Variants in TTC28 observed in about 807,000 individuals in gnomAD.
TTC28 encodes the protein tetratricopeptide repeat protein 28.
A neutral mutation model predicts 198.0 loss-of-function variants in TTC28; 61 were observed. The observed-to-expected ratio is 0.31, with a 90% CI of 0.25 to 0.38. The LOEUF (loss-of-function observed/expected upper bound fraction) is 0.38. Among genes scored for constraint, TTC28 ranks in the 10% least tolerant of loss-of-function variants. The pLI is 1.00. For missense variants in TTC28, 2,678 were observed against 3,164.0 expected (o/e 0.85, Z 3.69); for synonymous variants, 1,171 against 1,297.8 (o/e 0.90, Z 2.10).
intron 2 of TTC28, among the ~76,000 whole-genome samples, chr22:28,579,431 T>C (rs1323036283): frequency 1.3e-5 from 2 of 148,882 alleles, no homozygotes; most frequent in Non-Finnish European, 3.0e-5. Context: ...TAGCTATATA[T>C]AGTGTATATA....
At chr22:28,639,352 G>GT (rs1459611455) in intron 1 of TTC28, among the ~76,000 whole-genome samples, 1 of 152,194 alleles carries the variant, frequency 6.6e-6, no homozygotes, top group African/African-American at 2.4e-5. Flanking sequence ...ATTTATGAGT[G>GT]TAACTTTTTC....
In TTC28 at chr22:28,001,494, C is replaced by A. The variant is rs750049212; in HGVS notation, c.4278G>T (p.Glu1426Asp). Residue 1426 changes from glutamate (E) to aspartate (D), a missense_variant, in exon 15 of 23, where the codon GAG becomes GAT. Glu to Asp is a conservative substitution (Grantham distance 45). Coordinates refer to ENST00000397906, the MANE Select transcript of TTC28 (RefSeq NM_001145418.2). ...CGAAAGGAATGAGGTAGAGCTCCCCCTCCAGAACCAGGATGAGCTGCCGGT... is the reference window on the plus strand; with the variant it reads ...CGAAAGGAATGAGGTAGAGCTCCCCATCCAGAACCAGGATGAGCTGCCGGT... ...GRHRQLILVLEGELYLIPFAL... is the reference protein window; with the variant it reads ...GRHRQLILVLDGELYLIPFAL... 6 of 1,551,544 alleles carry A rather than the reference C, an allele frequency of 3.9e-6. No individual in the cohort carries two copies. Among genetic ancestry groups the A allele is most frequent in the Admixed American group, 3.9e-5 (2 of 51,014 alleles).
At position 28,556,105 on chromosome 22, in the gene TTC28, T is replaced by C. The variant is rs538699988; in HGVS notation, c.381+73447A>G. On this transcript the variant is annotated intron_variant, in intron 2 of 22. Coordinates refer to ENST00000397906, the MANE Select transcript of TTC28 (RefSeq NM_001145418.2). ...TGGGCACAGTGGCTCATGCCTGTAA[T>C]CCCAGCACTTTGGGAGGCCAAGGAG... Among the ~76,000 whole-genome samples, 3 of 151,958 alleles carry C rather than the reference T, an allele frequency of 2.0e-5. No individual in the cohort carries two copies. The South Asian group carries it at 6.2e-4, about 32-fold the overall frequency.
At chr22:28,207,604 G>A (rs967030591) in intron 5 of TTC28, among the ~76,000 whole-genome samples, 45 of 152,200 alleles carry the variant, frequency 3.0e-4, no homozygotes, top group African/African-American at 9.9e-4. Context: ...CATAGTAAGC[G>A]TACAGAAGAA....
At chr22:28,593,685 C>T (rs1250848749) in intron 2 of TTC28, among the ~76,000 whole-genome samples, 1 of 152,146 alleles carries the variant, frequency 6.6e-6, no homozygotes, top group African/African-American at 2.4e-5. Flanking sequence ...TTTTACTGTA[C>T]ACTCTTTTTG....
chr22:28,678,727 C>A (rs959472176), intron 1 of TTC28, among the ~76,000 whole-genome samples: 1 of 152,174 alleles, frequency 6.6e-6, no homozygotes, highest in Non-Finnish European at 1.5e-5. Flanking sequence ...AGACTTTCTA[C>A]AGATATTTTC....
chr22:28,175,722 A>C (rs1372559070), intron 5 of TTC28, among the ~76,000 whole-genome samples: 4 of 152,156 alleles, frequency 2.6e-5, no homozygotes, highest in African/African-American at 9.7e-5. Context: ...AACAAGAGCA[A>C]AACTCTGTCT....
chr22:28,237,149 G>A lies in TTC28; in HGVS notation c.933+59049C>T, dbSNP rs546612154. On this transcript the variant is annotated intron_variant, in intron 5 of 22. Transcript: ENST00000397906. ...TGTTCATGTGCTCTCGCTCGCTGGT[G>A]CATTCTCTCTCTCTCTTGCTCTCTC... is the stretch of plus-strand genomic sequence containing the variant. Among the ~76,000 whole-genome samples, 20 of 152,112 alleles carry A rather than the reference G, an allele frequency of 1.3e-4. No individual in the cohort carries two copies. In the South Asian group the frequency reaches 4.0e-3, roughly 30 times the overall value.
At chr22:28,308,455 A>G (rs2045187831) in intron 2 of TTC28, among the ~76,000 whole-genome samples, 1 of 152,214 alleles carries the variant, frequency 6.6e-6, no homozygotes, top group African/African-American at 2.4e-5. Flanking sequence ...CTGATTTCAC[A>G]TATTATAAGA....
At chr22:28,003,288 G>A (rs964891623) in intron 14 of TTC28, among the ~76,000 whole-genome samples, 2 of 152,150 alleles carry the variant, frequency 1.3e-5, no homozygotes, top group African/African-American at 4.8e-5. Context: ...CGAACCAGCC[G>A]CAGTGGCACA....
intron 3 of TTC28, 75 bp from the exon 4 acceptor site, chr22:28,297,927 C>T (rs1168103287): frequency 7.0e-7 from 1 of 1,426,512 alleles, no homozygotes. Context: ...TTCTAATACG[C>T]TCTAGAAATA....
chr22:28,164,868 T>A (rs1921714343), intron 5 of TTC28, among the ~76,000 whole-genome samples: 1 of 151,844 alleles, frequency 6.6e-6, no homozygotes, highest in South Asian at 2.1e-4. Flanking sequence ...CTTCAGATGA[T>A]CAAACTACTC....
At chr22:28,139,266 C>T (rs1943273578) in intron 6 of TTC28, among the ~76,000 whole-genome samples, 1 of 152,032 alleles carries the variant, frequency 6.6e-6, no homozygotes, top group Non-Finnish European at 1.5e-5. Flanking sequence ...AAGAATAATG[C>T]ATTATAATAC....
intron 12 of TTC28, among the ~76,000 whole-genome samples, chr22:28,052,455 C>T (rs1031643081): frequency 3.3e-5 from 5 of 152,120 alleles, no homozygotes; most frequent in Non-Finnish European, 5.9e-5. Context: ...ACTGGAAGAG[C>T]CCAGATTTAA....
chr22:28,468,561 G>C (rs1453613007), intron 2 of TTC28, among the ~76,000 whole-genome samples: 4 of 150,934 alleles, frequency 2.7e-5, no homozygotes, highest in African/African-American at 9.8e-5. Context: ...CTGTCGCCCA[G>C]GCTGGAGTGC....
At chr22:28,012,365 G>A (rs540943893) in intron 14 of TTC28, among the ~76,000 whole-genome samples, 8 of 152,326 alleles carry the variant, frequency 5.3e-5, no homozygotes, top group African/African-American at 1.9e-4. Context: ...ATGCAAGGAT[G>A]TGATCGGATC....
chr22:28,252,042 T>C (rs183998026), intron 5 of TTC28, among the ~76,000 whole-genome samples: 23 of 152,326 alleles, frequency 1.5e-4, no homozygotes, highest in Admixed American at 1.2e-3. Context: ...AATTATTTGG[T>C]ATCATAACTT....
chr22:28,443,134 C>T (rs1220724618), intron 2 of TTC28: 1 of 152,238 alleles, frequency 6.6e-6, no homozygotes, highest in Non-Finnish European at 1.5e-5. Flanking sequence ...GCTAGGAAGT[C>T]CCAGCAGCCA....
At chr22:28,456,272 T>G (rs1398353795) in intron 2 of TTC28, among the ~76,000 whole-genome samples, 1 of 151,538 alleles carries the variant, frequency 6.6e-6, no homozygotes, top group Non-Finnish European at 1.5e-5. Flanking sequence ...ATGTCCAGAA[T>G]AGGAAAATCC....
Sources: gnomAD v4.1 joint callset for allele counts (sites outside exome capture counted in the v4.1 genomes callset) on GRCh38, gnomAD v4.1.1 for gene constraint, MANE v1.5 for transcripts, NCBI Gene and HGNC (gene_info 2026-07-23, HGNC 2026-07-21) for gene names.